Variants in CROCC observed in about 807,000 individuals in gnomAD.
CROCC encodes the protein ciliary rootlet coiled-coil, rootletin.
Under a neutral mutation model 245.2 loss-of-function variants are expected in CROCC, and 180 were observed. The observed-to-expected ratio is 0.73, with a 90% confidence interval of 0.65 to 0.83. CROCC has a LOEUF of 0.83. CROCC is among the 40% of genes least tolerant of loss of function. The probability of loss-of-function intolerance (pLI) is 0.00; values close to 1 mark genes in which losing one functional copy is unlikely to be tolerated. For synonymous variants in CROCC, 1,205 were observed against 1,241.6 expected (o/e 0.97, Z 0.62); for missense variants, 2,688 against 2,779.4 (o/e 0.97, Z 0.74).
At chr1:16,959,974 G>C (rs1333075125) in intron 26 of CROCC, among the ~76,000 whole-genome samples, 3 of 150,772 alleles carry the variant, frequency 2.0e-5, no homozygotes, top group African/African-American at 7.4e-5. Context: ...AAAAAAAACA[G>C]AAACAAAAAC....
rs1197229136 is a variant in CROCC at position 16,969,148 on chromosome 1, G to A, written c.5109G>A (p.Leu1703=). The change falls in exon 32 of 37, where the codon CTG becomes CTA. Residue 1703 remains leucine (L), a synonymous_variant. Transcript: ENST00000375541. ...ACAGCGAGGTGAAGGCAGGGACCCT[G>A]CAGCTGACCGTGGAGCGGCTGAATG... ...VADSEVKAGT[L]QLTVERLNGA... is the part of the protein sequence containing the mutation. 1.2e-6 allele frequency: 2 copies of A among 1,608,336 alleles called. No homozygotes were observed. The highest frequency in any genetic ancestry group is 1.7e-6 in the Non-Finnish European group (2 of 1,177,906).
At position 16,969,138 on chromosome 1, in the gene CROCC, C is replaced by T. The variant is rs1197321978; in HGVS notation, c.5099C>T (p.Ala1700Val). The part of the protein sequence containing the change: ...QRQVADSEVK[A>V]GTLQLTVERL... ...CAGGTGGCCGACAGCGAGGTGAAGG[C>T]AGGGACCCTGCAGCTGACCGTGGAG... The change falls in exon 32 of 37, where the codon GCA (alanine) becomes GTA (valine). Residue 1700 changes from alanine (A) to valine (V), a missense_variant. Transcript: ENST00000375541. 9 of 1,606,198 alleles carry T rather than the reference C, an allele frequency of 5.6e-6. No individual in the cohort carries two copies. The highest frequency in any genetic ancestry group is 7.6e-6 in the Non-Finnish European group (9 of 1,177,000).
Position 16,938,935 on chromosome 1 carries a change from C to G in CROCC, c.1401C>G (p.Gly467=), listed in dbSNP as rs111489117. ...AQAVLSDSES[G]VQLSGSERTA... ...CCGTCTTGTCAGACTCTGAGAGCGGCGTCCAGCTGAGCGGCTCTGAGCGCA... is the reference window on the plus strand; with the variant it reads ...CCGTCTTGTCAGACTCTGAGAGCGGGGTCCAGCTGAGCGGCTCTGAGCGCA... The change falls in exon 12 of 37, where the codon GGC becomes GGG. Residue 467 remains glycine, a synonymous_variant. Transcript: ENST00000375541. 5.0e-6 allele frequency: 8 copies of G among 1,602,044 alleles called. No individual in the cohort carries two copies. The highest frequency in any genetic ancestry group is 4.0e-5 in the African/African-American group (3 of 74,294).
At chr1:16,968,024 C>T (rs2076446601) in intron 30 of CROCC, among the ~76,000 whole-genome samples, 179 bp from the exon 31 acceptor site, 1 of 152,192 alleles carries the variant, frequency 6.6e-6, no homozygotes, top group Non-Finnish European at 1.5e-5. Flanking sequence ...TCTTCACGTC[C>T]ACTCATCCTG....
chr1:16,960,856 AAAG>A lies in CROCC; in HGVS notation c.4132_4134del (p.Lys1378del), dbSNP rs1557634800. 2.0e-6 allele frequency: 3 copies of A among 1,519,180 alleles called. No individual in the cohort carries two copies. In the Admixed American group the frequency reaches 6.1e-5, roughly 31 times the overall value. The allele number at this position is 1,519,180 out of a possible 1,614,324, so 94.1% of individuals were successfully genotyped here. ...CCCTGGAGGAGGCGCGTGGCACTGA[AAAG>A]CAGCAGCTGGACCACGCCCGCGGCC... is the stretch of plus-strand genomic sequence containing the variant. On this transcript the variant is annotated inframe_deletion, in exon 27 of 37. Coordinates refer to ENST00000375541, the MANE Select transcript of CROCC (RefSeq NM_014675.5).
At position 16,922,650 on chromosome 1, in the gene CROCC, G is replaced by A. The variant is rs375772904; in HGVS notation, c.61-13G>A. 169 of 1,595,048 alleles carry A rather than the reference G, an allele frequency of 1.1e-4. No homozygotes were observed. The South Asian group carries it at 1.3e-3, about 12-fold the overall frequency. ...TCCCATGTCCCCTGAAGACCCTCTCGCTTTTCCCACAGACACTGGAGAGCA... is the reference window on the plus strand; with the variant it reads ...TCCCATGTCCCCTGAAGACCCTCTCACTTTTCCCACAGACACTGGAGAGCA... On this transcript the variant is annotated splice_polypyrimidine_tract_variant and intron_variant, in intron 1 of 36. Coordinates refer to ENST00000375541, the MANE Select transcript of CROCC (RefSeq NM_014675.5).
chr1:16,962,948 G>A (rs1357859585), intron 27 of CROCC, among the ~76,000 whole-genome samples: 1 of 151,712 alleles, frequency 6.6e-6, no homozygotes, highest in African/African-American at 2.4e-5. Context: ...CTGCGAGGCC[G>A]GAGCGGGTGG....
At chr1:16,972,308 T>C in intron 36 of CROCC, 52 bp from the exon 37 acceptor site, 1 of 1,485,766 alleles carries the variant, frequency 6.7e-7, no homozygotes, top group Non-Finnish European at 9.4e-7. Context: ...CCTCCCTTTC[T>C]CTGAAGCCAG....
chr1:16,915,916 T>G (rs1365937347), intron 1 of CROCC, among the ~76,000 whole-genome samples: 2 of 152,210 alleles, frequency 1.3e-5, no homozygotes, highest in Admixed American at 6.5e-5. Flanking sequence ...TGGTGGCTCA[T>G]GCCTGTAATT....
At chr1:16,964,573 C>T (rs554479871) in intron 27 of CROCC, among the ~76,000 whole-genome samples, 6 of 151,996 alleles carry the variant, frequency 3.9e-5, no homozygotes, top group East Asian at 1.9e-4. Context: ...TTAGTAGAGA[C>T]GGGTTTTCAC....
At chr1:16,937,237 C>T (rs1256224883) in intron 9 of CROCC, among the ~76,000 whole-genome samples, 2 of 152,198 alleles carry the variant, frequency 1.3e-5, no homozygotes, top group African/African-American at 2.4e-5. Flanking sequence ...CCTGTAATCC[C>T]AGCTACGAGG....
rs2100285034 is a variant in CROCC, at chr1:16,916,511, GT to G, written n.126-13770del. Among the ~76,000 whole-genome samples the G allele has an allele frequency of 2.6e-5, 4 of 152,380 alleles. No individual in the cohort carries two copies. The East Asian group carries it at 7.7e-4, about 29-fold the overall frequency. On this transcript the variant is annotated intron_variant and non_coding_transcript_variant, in intron 1 of 8. Transcript: ENST00000466256. ...CAGGATGGAAGTCATTGCTGTTACT[GT>G]TTTTGTTTATTTGAGACAGGGTCTT...
chr1:16,970,839 A>G, intron 35 of CROCC, 72 bp downstream of exon 35: 1 of 1,459,492 alleles, frequency 6.9e-7, no homozygotes, highest in Non-Finnish European at 9.0e-7. Context: ...AGTGGAGCTG[A>G]TGGCCCAGCC....
chr1:16,971,210 A>AGTGTGTGTGTGTGTGTGT (rs34364208), intron 35 of CROCC, among the ~76,000 whole-genome samples: 1 of 144,024 alleles, frequency 6.9e-6, no homozygotes, highest in East Asian at 2.1e-4. Context: ...ATGATGTCTG[A>AGTGTGTGTGTGTGTGTGT]GTGTGTGTGT....
chr1:16,954,443 C>T lies in CROCC; in HGVS notation c.3321+86C>T. On this transcript the variant is annotated intron_variant, in intron 22 of 36. Coordinates refer to ENST00000375541, the MANE Select transcript of CROCC (RefSeq NM_014675.5). This position sits in a 1 kb window ranked among gnomAD's most constrained non-coding sequence, Gnocchi z 4.4. ...GCCCCCACCACGGGGCGGCATGGCC[C>T]TGTCCTGGAGAAGCTTCCAGGCTGT... is the stretch of plus-strand genomic sequence containing the variant. 6.6e-7 allele frequency: 1 copy of T among 1,509,912 alleles called. No individual in the cohort carries two copies. Among genetic ancestry groups the T allele is most frequent in the Non-Finnish European group, 8.9e-7 (1 of 1,119,720 alleles). The allele number at this position is 1,509,912 out of a possible 1,614,324, so 93.5% of individuals were successfully genotyped here. A position where few individuals can be genotyped will look rare whatever the true frequency, so the allele number is the denominator to read the frequency against.
chr1:16,961,284 C>T (rs2076329349), intron 27 of CROCC, among the ~76,000 whole-genome samples, 154 bp downstream of exon 27: 1 of 151,964 alleles, frequency 6.6e-6, no homozygotes, highest in Non-Finnish European at 1.5e-5. Flanking sequence ...AGCCCCGTCC[C>T]CTCACCGAGA....
chr1:16,971,192 C>T (rs1180898869), intron 35 of CROCC, among the ~76,000 whole-genome samples: 1 of 148,492 alleles, frequency 6.7e-6, no homozygotes, highest in African/African-American at 2.5e-5. Context: ...GCCTTTGTGC[C>T]TGTGTGTATG....
At chr1:16,959,441 G>A (rs775251780) in intron 26 of CROCC, among the ~76,000 whole-genome samples, 1 of 152,160 alleles carries the variant, frequency 6.6e-6, no homozygotes, top group East Asian at 1.9e-4. Flanking sequence ...TGCCTTTTCC[G>A]GCTGTTTCAT....
intron 26 of CROCC, 97 bp downstream of exon 26, chr1:16,958,847 C>T (rs1393262280): frequency 1.5e-6 from 2 of 1,355,958 alleles, no homozygotes; most frequent in African/African-American, 2.9e-5. Flanking sequence ...AGGCCACTCC[C>T]TAGGGCTTGC....
Sources: allele counts gnomAD v4.1 joint callset (sites outside exome capture counted in the v4.1 genomes callset), GRCh38; gene constraint gnomAD v4.1.1; non-coding constraint Gnocchi (gnomAD v3.1); transcripts MANE v1.5; gene names NCBI Gene and HGNC (gene_info 2026-07-23, HGNC 2026-07-21).